Variants in CHN2 observed in about 807,000 individuals in gnomAD.
The protein encoded by CHN2 is beta-chimaerin.
A neutral mutation model predicts 56.3 loss-of-function variants in CHN2; 35 were observed. The observed-to-expected ratio is 0.62, with a 90% CI of 0.47 to 0.82. The LOEUF (loss-of-function observed/expected upper bound fraction) is 0.82, where lower values mean the gene tolerates loss of function less well. Ranked by LOEUF, CHN2 falls within the 40% of genes least tolerant of loss-of-function variation. The pLI, the probability that CHN2 is intolerant of heterozygous loss-of-function variation, is 0.00. For missense variants in CHN2, 491 were observed against 580.5 expected (o/e 0.85, Z 1.58); for synonymous variants, 210 against 212.8 (o/e 0.99, Z 0.12).
rs941817246 is a variant in CHN2, at chr7:29,230,497, C to T, written c.49+35507C>T. 4.6e-5 allele frequency among the ~76,000 whole-genome samples: 7 copies of T among 152,160 alleles called. No homozygotes were observed. The South Asian group carries it at 1.0e-3, about 23-fold the overall frequency. On this transcript the variant is annotated intron_variant, in intron 1 of 12. Transcript: ENST00000222792. ...CTGGGACTACAGGCATGTGCCACCA[C>T]GCCTGGCTAAATTTTGTACTTTTAG...
Position 29,297,327 on chromosome 7 carries a change from C to T in CHN2, c.50-57298C>T, listed in dbSNP as rs984442973. On this transcript the variant is annotated intron_variant, in intron 1 of 12. Coordinates refer to ENST00000222792, the MANE Select transcript of CHN2 (RefSeq NM_004067.4). The stretch of plus-strand genomic sequence containing the variant: ...CTTTACACCTGGCTGTCTCATTCTC[C>T]GCTCTGAAGAAGTCCATCTGACTGC... Among the ~76,000 whole-genome samples, 4 of 152,150 alleles carry T rather than the reference C, an allele frequency of 2.6e-5. No homozygotes were observed. The East Asian group carries it at 5.8e-4, about 22-fold the overall frequency.
chr7:29,491,135 T>C, intron 7 of CHN2, among the ~76,000 whole-genome samples: 1 of 152,170 alleles, frequency 6.6e-6, no homozygotes, highest in Admixed American at 6.5e-5. Flanking sequence ...CAAATATATA[T>C]ATTTGCTCTA....
Position 29,233,982 on chromosome 7 carries a change from C to T in CHN2, c.49+38992C>T, listed in dbSNP as rs374066425. ...CCAAGTAGCTGGGACTACAGGCGCC[C>T]GCCACCACGCCCGGCTAATTTTTTG... On this transcript the variant is annotated intron_variant, in intron 1 of 12. Transcript: ENST00000222792. Among the ~76,000 whole-genome samples, 1,088 of 149,734 alleles carry T rather than the reference C, an allele frequency of 7.3e-3. 13 individuals are homozygous for T. The highest frequency in any genetic ancestry group is 0.025 in the African/African-American group (1,016 of 40,624).
At chr7:29,148,130 G>A (rs1024517365) in intron 2 of CHN2, among the ~76,000 whole-genome samples, 3 of 152,208 alleles carry the variant, frequency 2.0e-5, no homozygotes, top group African/African-American at 7.2e-5. Context: ...AGATAACACT[G>A]CTGCTGGCGT....
At chr7:29,476,561 TAAA>T (rs34518690) in intron 6 of CHN2, among the ~76,000 whole-genome samples, 26 of 149,130 alleles carry the variant, frequency 1.7e-4, no homozygotes, top group African/African-American at 4.7e-4. Flanking sequence ...CAATAAAAAT[TAAA>T]AAAAAAAAAT....
In CHN2 at chr7:29,381,238, T is replaced by C. The variant is rs927419143; in HGVS notation, c.145-12441T>C. On this transcript the variant is annotated intron_variant, in intron 3 of 12. Transcript: ENST00000222792. ...GGTCAGCCAGCCAGCCCAGCCAACA[T>C]GGCCTCCTGGGGATCTGGCTTGATG... is the stretch of plus-strand genomic sequence containing the variant. Among the ~76,000 whole-genome samples the C allele has an allele frequency of 5.3e-5, 8 of 152,160 alleles. No individual in the cohort carries two copies. The East Asian group carries it at 1.5e-3, about 29-fold the overall frequency.
chr7:29,509,155 A>G, intron 11 of CHN2, 146 bp from the exon 12 acceptor site: 1 of 619,956 alleles, frequency 1.6e-6, no homozygotes, highest in Non-Finnish European at 2.9e-6. Context: ...GACACCAACA[A>G]ATTGATTAAG....
chr7:29,331,924 A>G (rs554928537), intron 1 of CHN2, among the ~76,000 whole-genome samples: 82 of 151,376 alleles, frequency 5.4e-4, no homozygotes, highest in African/African-American at 2.0e-3. Flanking sequence ...AGGCAGGAGA[A>G]TTGCTTGAAT....
intron 1 of CHN2, among the ~76,000 whole-genome samples, chr7:29,318,991 C>G (rs189674152): frequency 6.6e-6 from 1 of 152,168 alleles, no homozygotes; most frequent in South Asian, 2.1e-4. Flanking sequence ...TAGTGCACAC[C>G]GCAAGCTGAC....
chr7:29,242,488 T>C (rs1235981690), intron 1 of CHN2, among the ~76,000 whole-genome samples: 1 of 152,174 alleles, frequency 6.6e-6, no homozygotes, highest in Non-Finnish European at 1.5e-5. Flanking sequence ...GGCAGCATCT[T>C]TAAGGCATCA....
At chr7:29,371,738 G>A (rs1436462586) in intron 3 of CHN2, among the ~76,000 whole-genome samples, 6 of 152,044 alleles carry the variant, frequency 3.9e-5, no homozygotes, top group East Asian at 1.9e-4. Context: ...ACTAGGCCCC[G>A]CTCCATTGGA....
At chr7:29,232,903 G>A (rs1786833721) in intron 1 of CHN2, among the ~76,000 whole-genome samples, 1 of 152,080 alleles carries the variant, frequency 6.6e-6, no homozygotes, top group African/African-American at 2.4e-5. Flanking sequence ...TTATTGAATT[G>A]TCCTCATGTG....
chr7:29,229,016 T>C (rs1239736349), intron 1 of CHN2, among the ~76,000 whole-genome samples: 1 of 152,216 alleles, frequency 6.6e-6, no homozygotes, highest in African/African-American at 2.4e-5. Context: ...TGGACTCGAT[T>C]GCCAGCTTTC....
At position 29,398,451 on chromosome 7, in the gene CHN2, C is replaced by G; in HGVS notation, c.255C>G (p.Ser85Arg). Residue 85 changes from serine to arginine, a missense_variant, in exon 5 of 13, where the codon AGC (serine) becomes AGG (arginine). Coordinates refer to ENST00000222792, the MANE Select transcript of CHN2 (RefSeq NM_004067.4). ...AGGGTGCCTACATCCTTAGAGAAAG[C>G]CAGCGGCAACCAGGATGCTACACGC... ...GVEGAYILRE[S>R]QRQPGCYTLA... 6.2e-7 allele frequency: 1 copy of G among 1,613,278 alleles called. No individual in the cohort carries two copies. The highest frequency in any genetic ancestry group is 8.5e-7 in the Non-Finnish European group (1 of 1,179,788).
intron 1 of CHN2, among the ~76,000 whole-genome samples, chr7:29,318,829 C>T (rs1235235982): frequency 6.6e-6 from 1 of 152,116 alleles, no homozygotes; most frequent in Admixed American, 6.5e-5. Flanking sequence ...TTGGGCCTAA[C>T]AATAGAGAAG....
chr7:29,482,975 A>C (rs976737515), intron 7 of CHN2, among the ~76,000 whole-genome samples: 10 of 151,398 alleles, frequency 6.6e-5, no homozygotes, highest in African/African-American at 1.5e-4. Flanking sequence ...GCGCCCGCCA[A>C]CACACCCGGC....
At chr7:29,160,634 C>A (rs1031079069) in intron 2 of CHN2, among the ~76,000 whole-genome samples, 1 of 152,160 alleles carries the variant, frequency 6.6e-6, no homozygotes, top group South Asian at 2.1e-4. Context: ...CTAACCCCAG[C>A]ACCTTGACTC....
At position 29,302,741 on chromosome 7, in the gene CHN2, G is replaced by A. The variant is rs147777016; in HGVS notation, c.50-51884G>A. Among the ~76,000 whole-genome samples the A allele has an allele frequency of 2.1e-3, 324 of 152,094 alleles. 1 individual carries two copies. The highest frequency in any genetic ancestry group is 3.6e-3 in the Non-Finnish European group (242 of 67,992). On this transcript the variant is annotated intron_variant, in intron 1 of 12. Transcript: ENST00000222792. ...TCTTCCCAAACTGAAACTCTGTACC[G>A]ATTAAACAATAACTCTCTATTCTCC... is the stretch of plus-strand genomic sequence containing the variant.
rs869037854 is a variant in CHN2, at chr7:29,195,629, A to AGAGAGAGGGAGAGAGTGTGT, written c.49+640_49+641insAGAGAGGGAGAGAGTGTGTG. On this transcript the variant is annotated intron_variant, in intron 1 of 12. Coordinates refer to ENST00000222792, the MANE Select transcript of CHN2 (RefSeq NM_004067.4). ...GAGAGAGAGAGAGAGAGAGAGAGAGAGTGTGTGTGTGTGTGTGTGTGAGAG... is the reference window on the plus strand; with the variant it reads ...GAGAGAGAGAGAGAGAGAGAGAGAGAGAGAGAGGGAGAGAGTGTGTGTGTGTGTGTGTGTGTGTGTGAGAG... Among the ~76,000 whole-genome samples, 4 of 117,504 alleles carry AGAGAGAGGGAGAGAGTGTGT rather than the reference A, an allele frequency of 3.4e-5. No individual in the cohort carries two copies. In the East Asian group the frequency reaches 1.5e-3, roughly 45 times the overall value. The allele number at this position is 117,504 out of a possible 152,430, so 77.1% of individuals were successfully genotyped here.
Sources: gnomAD v4.1 joint callset for allele counts (sites outside exome capture counted in the v4.1 genomes callset) on GRCh38, gnomAD v4.1.1 for gene constraint, MANE v1.5 for transcripts, NCBI Gene and HGNC (gene_info 2026-07-23, HGNC 2026-07-21) for gene names.